Variants in SPON2 observed in about 807,000 individuals in gnomAD.
SPON2 encodes the protein spondin 2, also known as spondin-2.
SPON2 carries 32 observed loss-of-function variants against 29.9 expected under a neutral mutation model. The observed-to-expected ratio is 1.07, with a 90% CI of 0.81 to 1.44. The LOEUF (loss-of-function observed/expected upper bound fraction) is 1.44, where lower values mean the gene tolerates loss of function less well. Among genes scored for constraint, SPON2 ranks in the 40% most tolerant of loss-of-function variants. The probability of loss-of-function intolerance (pLI) is 0.00; values close to 1 mark genes in which losing one functional copy is unlikely to be tolerated. For synonymous variants in SPON2, 248 were observed against 209.1 expected, an observed-to-expected ratio of 1.19 and a Z score of -1.61; for missense variants, 541 against 455.5, an observed-to-expected ratio of 1.19 and a Z score of -1.71.
At chr4:1,186,863 A>G (rs546112019) in intron 1 of SPON2, among the ~76,000 whole-genome samples, 1 of 152,326 alleles carries the variant, frequency 6.6e-6, no homozygotes, top group African/African-American at 2.4e-5. Context: ...ACTATCAAAA[A>G]AACCCCAAAA....
intron 1 of SPON2, among the ~76,000 whole-genome samples, chr4:1,187,486 T>G (rs1179062483): frequency 6.6e-6 from 1 of 152,256 alleles, no homozygotes; most frequent in Non-Finnish European, 1.5e-5. Context: ...GCCACTCAAC[T>G]GTACACTTTA....
Position 1,167,382 on chromosome 4 carries a change from G to C in SPON2, c.*90C>G, listed in dbSNP as rs1019668599. ...GGTCAGGAGCAGCGCGAAACCCCCT[G>C]TGCCCTCGGCCGCCTGCAGCATGAG... is the stretch of plus-strand genomic sequence containing the variant. On this transcript the variant is annotated 3_prime_UTR_variant, in exon 6 of 6. Transcript: ENST00000290902. 6 of 1,369,018 alleles carry C rather than the reference G, an allele frequency of 4.4e-6. No homozygotes were observed. In the African/African-American group the frequency reaches 8.7e-5, roughly 20 times the overall value. The allele number at this position is 1,369,018 out of a possible 1,614,324, so 84.8% of individuals were successfully genotyped here.
At chr4:1,195,402 C>T (rs897848732), upstream of SPON2, among the ~76,000 whole-genome samples, 6 of 152,092 alleles carry the variant, frequency 3.9e-5, no homozygotes, top group East Asian at 1.9e-4. Flanking sequence ...TGGCCCCCTG[C>T]GCCTCAGGGG....
At chr4:1,171,713 C>T in intron 2 of SPON2, 139 bp downstream of exon 2, 2 of 799,096 alleles carry the variant, frequency 2.5e-6, no homozygotes, top group South Asian at 1.6e-5. Flanking sequence ...ACCGCAGGCG[C>T]TCGGCAAACA....
intron 1 of SPON2, among the ~76,000 whole-genome samples, chr4:1,189,763 C>T (rs1308606898): frequency 2.6e-5 from 4 of 151,112 alleles, no homozygotes; most frequent in African/African-American, 4.9e-5. Context: ...CTGAGGCGGG[C>T]GGATCACAAG....
upstream of SPON2, among the ~76,000 whole-genome samples, chr4:1,195,949 T>C (rs571530972): frequency 6.6e-6 from 1 of 152,342 alleles, no homozygotes; most frequent in East Asian, 1.9e-4. Context: ...CTTGTTGAGT[T>C]GGTGACTTCG....
rs5855695 is a variant in SPON2 at position 1,193,407 on chromosome 4, G to GCC, written c.-239+1581_-239+1582dup. ...ACGCCAGGCCTGGCCTCTCTCCAGA[G>GCC]CCCCCCCAGTCTCAGTGGGCCCCAC... On this transcript the variant is annotated intron_variant, in intron 1 of 3. Coordinates refer to the SPON2 transcript ENST00000502483. Among the ~76,000 whole-genome samples the GCC allele has an allele frequency of 1.9e-3, 287 of 151,028 alleles. 2 individuals carry two copies. Among genetic ancestry groups the GCC allele is most frequent in the Non-Finnish European group, 1.4e-3 (98 of 67,622 alleles).
chr4:1,186,821 T>C (rs1727816229), intron 1 of SPON2, among the ~76,000 whole-genome samples: 1 of 152,072 alleles, frequency 6.6e-6, no homozygotes, highest in Non-Finnish European at 1.5e-5. Flanking sequence ...AAAACTATAA[T>C]AGGACATCAC....
intron 1 of SPON2, among the ~76,000 whole-genome samples, chr4:1,207,598 C>T (rs1728375308): frequency 2.3e-5 from 3 of 128,712 alleles, no homozygotes; most frequent in Non-Finnish European, 4.9e-5. Flanking sequence ...CCAGAGGGTC[C>T]GGCTGCCTAA....
chr4:1,170,219 G>A, intron 5 of SPON2, 183 bp downstream of exon 5: 1 of 663,210 alleles, frequency 1.5e-6, no homozygotes, highest in Non-Finnish European at 2.6e-6. Flanking sequence ...TGCAAATAAT[G>A]TGCAAGAGTC....
upstream of SPON2, among the ~76,000 whole-genome samples, chr4:1,175,482 G>C (rs112867513): frequency 0.16 from 23,798 of 152,154 alleles, 2,277 homozygotes; most frequent in African/African-American, 0.27. Context: ...AGGCTGGGGG[G>C]TCTCCAGCTA....
chr4:1,188,637 AC>A (rs1727848272), intron 1 of SPON2, among the ~76,000 whole-genome samples: 1 of 152,240 alleles, frequency 6.6e-6, no homozygotes, highest in Admixed American at 6.5e-5. Context: ...ACCGTTATCA[AC>A]ATATGTGCAC....
intron 1 of SPON2, among the ~76,000 whole-genome samples, chr4:1,186,212 C>T (rs1398344438): frequency 6.6e-6 from 1 of 150,448 alleles, no homozygotes; most frequent in Non-Finnish European, 1.5e-5. Flanking sequence ...CCACTATACT[C>T]CAGCTTGGGT....
Position 1,171,295 on chromosome 4 carries a change from C to G in SPON2, c.412G>C (p.Ala138Pro), listed in dbSNP as rs750814932. ...AVPSGTGQTS[A>P]ELEVQRRHSL... ...TGCCTGCGCTGCACCTCCAGCTCCG[C>G]CGACGTCTGCCCGGTGCCGCTGGGG... Residue 138 changes from alanine to proline, a missense_variant, in exon 3 of 6, where the codon GCG becomes CCG. Coordinates refer to ENST00000290902, the MANE Select transcript of SPON2 (RefSeq NM_012445.4). 8.2e-6 allele frequency: 13 copies of G among 1,582,898 alleles called. No individual in the cohort carries two copies. The highest frequency in any genetic ancestry group is 1.4e-5 in the African/African-American group (1 of 73,422).
At chr4:1,182,856 C>G (rs1250013816) in intron 1 of SPON2, among the ~76,000 whole-genome samples, 2 of 151,972 alleles carry the variant, frequency 1.3e-5, no homozygotes, top group South Asian at 2.1e-4. Context: ...CAAGGAATTG[C>G]CACAAGATTA....
chr4:1,170,640 G>T, intron 4 of SPON2, 64 bp from the exon 5 acceptor site: 1 of 1,531,444 alleles, frequency 6.5e-7, no homozygotes, highest in East Asian at 2.4e-5. Context: ...TATGCGTATG[G>T]CCTCACTGGG....
Position 1,167,435 on chromosome 4 carries a change from G to A in SPON2, c.*37C>T. 6.3e-7 allele frequency: 1 copy of A among 1,589,780 alleles called. No individual in the cohort carries two copies. The highest frequency in any genetic ancestry group is 1.3e-5 in the African/African-American group (1 of 74,468). ...TGCACAGGAGCCCCCGACACCCCAT[G>A]GCTCCGGGGGGCCCCAGGGGCTGCG... On this transcript the variant is annotated 3_prime_UTR_variant, in exon 6 of 6. Transcript: ENST00000290902.
At position 1,171,941 on chromosome 4, in the gene SPON2, C is replaced by T. The variant is rs749387113; in HGVS notation, c.131G>A (p.Ser44Asn). The T allele has an allele frequency of 3.7e-6, 6 of 1,612,866 alleles. No individual in the cohort carries two copies. In the South Asian group the frequency reaches 6.6e-5, roughly 18 times the overall value. ...ICSARALAKY[S>N]ITFTGKWSQT... is the part of the protein sequence containing the mutation. ...GCTCCACTTGCCCGTGAAGGTGATG[C>T]TGTATTTGGCCAGGGCTCTGGCGGA... The change falls in exon 2 of 6, where the codon AGC becomes AAC. Residue 44 changes from serine (S) to asparagine (N), a missense_variant. By Grantham distance (46) the Ser-to-Asn change is conservative. Transcript: ENST00000290902.
chr4:1,201,368 C>G (rs1215752064), intron 1 of SPON2: 1 of 335,828 alleles, frequency 3.0e-6, no homozygotes, highest in East Asian at 7.7e-5. Context: ...TTTCTCCAGG[C>G]CAGGCCTGTG....
Sources: gnomAD v4.1 joint callset for allele counts (sites outside exome capture counted in the v4.1 genomes callset) on GRCh38, gnomAD v4.1.1 for gene constraint, MANE v1.5 for transcripts, NCBI Gene and HGNC (gene_info 2026-07-23, HGNC 2026-07-21) for gene names.